Variants in COQ5 observed in about 807,000 individuals in gnomAD.
COQ5 encodes the protein coenzyme Q5, methyltransferase, also known as 2-methoxy-6-polyprenyl-1,4-benzoquinol methylase, mitochondrial.
A neutral mutation model predicts 40.5 loss-of-function variants in COQ5; 27 were observed. That is an observed-to-expected ratio of 0.67 (90% CI 0.49 to 0.92). The LOEUF (loss-of-function observed/expected upper bound fraction) is 0.92. Among genes scored for constraint, COQ5 ranks in the 40% least tolerant of loss-of-function variants. The pLI, the probability that COQ5 is intolerant of heterozygous loss-of-function variation, is 0.00. For missense variants in COQ5, 409 were observed against 406.4 expected (o/e 1.01, Z -0.06); for synonymous variants, 141 against 150.0 (o/e 0.94, Z 0.44).
chr12:120,513,540 T>TC (rs1474213306), intron 3 of COQ5, among the ~76,000 whole-genome samples: 4 of 147,546 alleles, frequency 2.7e-5, no homozygotes, highest in East Asian at 4.0e-4. Flanking sequence ...CACATTAACT[T>TC]TTTTTTTTTT....
Position 120,503,395 on chromosome 12 carries a change from C to T in COQ5, c.*389G>A. ...GTTGATTCAGGTACAATTAAATTTTCTGGTTAAAAATTGTCATTGGGTTCA... is the reference window on the plus strand; with the variant it reads ...GTTGATTCAGGTACAATTAAATTTTTTGGTTAAAAATTGTCATTGGGTTCA... On this transcript the variant is annotated 3_prime_UTR_variant, in exon 7 of 7. Coordinates refer to ENST00000288532, the MANE Select transcript of COQ5 (RefSeq NM_032314.4). 1 of 368,944 alleles carries T rather than the reference C, an allele frequency of 2.7e-6. No homozygotes were observed. The highest frequency in any genetic ancestry group is 5.3e-6 in the Non-Finnish European group (1 of 189,010). 22.9% of individuals were successfully genotyped at this position (368,944 alleles called of 1,614,324 possible). A position where few individuals can be genotyped will look rare whatever the true frequency, so the allele number is the denominator to read the frequency against.
chr12:120,522,944 C>A, intron 1 of COQ5: 1 of 628,444 alleles, frequency 1.6e-6, no homozygotes, highest in South Asian at 2.2e-5. Flanking sequence ...CACTGTTGGC[C>A]TGCATCTTTT....
intron 3 of COQ5, among the ~76,000 whole-genome samples, chr12:120,513,271 A>AATG (rs1869220748): frequency 6.7e-6 from 1 of 150,108 alleles, no homozygotes. Context: ...TGGGAGGCCG[A>AATG]GGCGGGCGGA....
Position 120,503,714 on chromosome 12 carries a change from G to T in COQ5, c.*70C>A. On this transcript the variant is annotated 3_prime_UTR_variant, in exon 7 of 7. Coordinates refer to ENST00000288532, the MANE Select transcript of COQ5 (RefSeq NM_032314.4). The stretch of plus-strand genomic sequence containing the variant: ...GAGATGCTCTGCTGCTGTCTCATTT[G>T]CCAGATTATCCTTCAGTTCCAGGCT... 2 of 1,132,732 alleles carry T rather than the reference G, an allele frequency of 1.8e-6. No homozygotes were observed. The highest frequency in any genetic ancestry group is 1.3e-6 in the Non-Finnish European group (1 of 746,796). 70.2% of individuals were successfully genotyped at this position (1,132,732 alleles called of 1,614,324 possible). A position where few individuals can be genotyped will look rare whatever the true frequency, so the allele number is the denominator to read the frequency against.
intron 4 of COQ5, among the ~76,000 whole-genome samples, chr12:120,506,990 T>A (rs1056752813): frequency 1.3e-5 from 2 of 151,356 alleles, no homozygotes; most frequent in Admixed American, 6.6e-5. Flanking sequence ...CCCGCCACCA[T>A]GCCTGGCTAA....
intron 3 of COQ5, among the ~76,000 whole-genome samples, chr12:120,514,405 T>C (rs1358054629): frequency 6.6e-6 from 1 of 152,014 alleles, no homozygotes; most frequent in African/African-American, 2.4e-5. Flanking sequence ...ACAGTGGCCA[T>C]CTGTGGTCCC....
chr12:120,514,333 A>G (rs1869277648), intron 3 of COQ5, among the ~76,000 whole-genome samples: 1 of 151,974 alleles, frequency 6.6e-6, no homozygotes, highest in South Asian at 2.1e-4. Context: ...GTGGGGGAGG[A>G]GAAGGAGAGA....
chr12:120,518,045 G>T (rs561676524), intron 2 of COQ5, among the ~76,000 whole-genome samples: 60 of 152,176 alleles, frequency 3.9e-4, no homozygotes, highest in African/African-American at 1.3e-3. Context: ...GACCTCAGGT[G>T]ATCCACTCGC....
intron 2 of COQ5, among the ~76,000 whole-genome samples, chr12:120,519,811 G>C (rs1029704736): frequency 6.6e-6 from 1 of 150,814 alleles, no homozygotes; most frequent in Non-Finnish European, 1.5e-5. Flanking sequence ...CAGAGGTTGC[G>C]GTGAGCCGAA....
chr12:120,524,474 A>T (rs528730053), intron 1 of COQ5, among the ~76,000 whole-genome samples: 1 of 152,098 alleles, frequency 6.6e-6, no homozygotes, highest in African/African-American at 2.4e-5. Context: ...GCTAGCCAGG[A>T]TGGTCTCGAT....
chr12:120,525,699 G>T (rs10849756), intron 1 of COQ5, among the ~76,000 whole-genome samples: 1 of 151,664 alleles, frequency 6.6e-6, no homozygotes, highest in Admixed American at 6.6e-5. Flanking sequence ...CTGAGGCGGG[G>T]GGATCACGAG....
At chr12:120,509,771 C>T in intron 4 of COQ5, 1 of 476,120 alleles carries the variant, frequency 2.1e-6, no homozygotes, top group South Asian at 2.3e-5. Context: ...AAAAATCTAT[C>T]TATCTCTCTC....
At chr12:120,522,124 C>T (rs1869690553) in intron 2 of COQ5, 90 bp downstream of exon 2, 2 of 1,370,326 alleles carry the variant, frequency 1.5e-6, no homozygotes, top group Non-Finnish European at 2.1e-6. Context: ...CATCTTCCGC[C>T]TCGTGTTAGG....
chr12:120,508,952 G>A (rs1326241109), intron 4 of COQ5, among the ~76,000 whole-genome samples: 1 of 151,768 alleles, frequency 6.6e-6, no homozygotes, highest in African/African-American at 2.4e-5. Flanking sequence ...TTGAACCCAG[G>A]AGACAGAGGT....
chr12:120,515,569 C>T lies in COQ5; in HGVS notation c.574+998G>A, dbSNP rs576573907. Among the ~76,000 whole-genome samples, 10 of 152,244 alleles carry T rather than the reference C, an allele frequency of 6.6e-5. No individual in the cohort carries two copies. The South Asian group carries it at 2.1e-3, about 32-fold the overall frequency. On this transcript the variant is annotated intron_variant, in intron 3 of 6. Coordinates refer to ENST00000288532, the MANE Select transcript of COQ5 (RefSeq NM_032314.4). The stretch of plus-strand genomic sequence containing the variant: ...TCAGATGGGTCCTCTGAGAAACATG[C>T]TGAGATGGACCAAGGAGTATAATAA...
chr12:120,509,769 A>ATC lies in COQ5; in HGVS notation c.681+246_681+247dup, dbSNP rs1234234289. ...TTTTTTAAGATTAAAAAAAAAATCT[A>ATC]TCTATCTCTCTCTCTCTCTCTCTCC... On this transcript the variant is annotated intron_variant, in intron 4 of 6. Coordinates refer to ENST00000288532, the MANE Select transcript of COQ5 (RefSeq NM_032314.4). 2.4e-5 allele frequency: 11 copies of ATC among 466,442 alleles called. No homozygotes were observed. The East Asian group carries it at 4.1e-4, about 17-fold the overall frequency. The allele number at this position is 466,442 out of a possible 1,614,324, so 28.9% of individuals were successfully genotyped here.
In COQ5 at chr12:120,506,665, C is replaced by A. The variant is rs1868895583; in HGVS notation, c.682-1682G>T. Among the ~76,000 whole-genome samples, 3 of 137,550 alleles carry A rather than the reference C, an allele frequency of 2.2e-5. No individual in the cohort carries two copies. The South Asian group carries it at 7.1e-4, about 33-fold the overall frequency. The allele number at this position is 137,550 out of a possible 152,430, so 90.2% of individuals were successfully genotyped here. On this transcript the variant is annotated intron_variant, in intron 4 of 6. Coordinates refer to ENST00000288532, the MANE Select transcript of COQ5 (RefSeq NM_032314.4). The stretch of plus-strand genomic sequence containing the variant: ...TACAGACTTGGGCCACCACGCCCAG[C>A]CTATTTTTTTTATTATTCTGCCTCC...
Position 120,503,623 on chromosome 12 carries a change from GA to G in COQ5, c.*160del, listed in dbSNP as rs1868733154. On this transcript the variant is annotated 3_prime_UTR_variant, in exon 7 of 7. Coordinates refer to ENST00000288532, the MANE Select transcript of COQ5 (RefSeq NM_032314.4). ...AAAGAAAGCTGTAAAAAAGTGACAAGAATTTGTTCTTCCACTTTGAGACTGT... is the reference window on the plus strand; with the variant it reads ...AAAGAAAGCTGTAAAAAAGTGACAAGATTTGTTCTTCCACTTTGAGACTGT... 4 of 707,522 alleles carry G rather than the reference GA, an allele frequency of 5.7e-6. No individual in the cohort carries two copies. Among genetic ancestry groups the G allele is most frequent in the Middle Eastern group, 4.6e-4 (2 of 4,384 alleles). The allele number at this position is 707,522 out of a possible 1,614,324, so 43.8% of individuals were successfully genotyped here.
intron 2 of COQ5, among the ~76,000 whole-genome samples, chr12:120,518,026 C>T (rs958428200): frequency 5.9e-5 from 9 of 152,010 alleles, no homozygotes; most frequent in Non-Finnish European, 1.2e-4. Context: ...AGGCTGGTCT[C>T]GAACTCTTGA....
Sources: allele counts gnomAD v4.1 joint callset (sites outside exome capture counted in the v4.1 genomes callset), GRCh38; gene constraint gnomAD v4.1.1; transcripts MANE v1.5; gene names NCBI Gene and HGNC (gene_info 2026-07-23, HGNC 2026-07-21).